ARMH4: variants seen among roughly 807,000 people sequenced by gnomAD.
ARMH4 encodes the protein armadillo like helical domain containing 4.
A neutral mutation model predicts 61.9 loss-of-function variants in ARMH4; 49 were observed. That is an observed-to-expected ratio of 0.79 (90% confidence interval 0.63 to 1.00). The LOEUF is 1.00. Among genes scored for constraint, ARMH4 ranks in the 50% least tolerant of loss-of-function variants. The pLI, the probability that ARMH4 is intolerant of heterozygous loss-of-function variation, is 0.00. For missense variants in ARMH4, 934 were observed against 930.0 expected, an observed-to-expected ratio of 1.00 and a Z score of -0.06; for synonymous variants, 368 against 341.5, an observed-to-expected ratio of 1.08 and a Z score of -0.85.
chr14:58,101,914 G>T (rs1189482792), intron 4 of ARMH4, among the ~76,000 whole-genome samples: 1 of 152,136 alleles, frequency 6.6e-6, no homozygotes, highest in Non-Finnish European at 1.5e-5. Flanking sequence ...TGGGTAGGTA[G>T]GTGGGTTGAA....
intron 4 of ARMH4, among the ~76,000 whole-genome samples, chr14:58,126,435 T>G (rs1224317194): frequency 6.6e-6 from 1 of 152,124 alleles, no homozygotes; most frequent in Non-Finnish European, 1.5e-5. Context: ...GCAGAGGAAA[T>G]TAAGAGACAC....
intron 4 of ARMH4, among the ~76,000 whole-genome samples, chr14:58,102,356 G>A (rs547495159): frequency 7.9e-5 from 12 of 152,192 alleles, no homozygotes; most frequent in African/African-American, 2.6e-4. Flanking sequence ...AGGGTGGAAC[G>A]GTGGTCCCAA....
At chr14:58,061,276 C>G (rs1884522907) in intron 5 of ARMH4, among the ~76,000 whole-genome samples, 1 of 152,184 alleles carries the variant, frequency 6.6e-6, no homozygotes, top group Non-Finnish European at 1.5e-5. Context: ...CTCCAGTTCA[C>G]TGGCCAGTCC....
At chr14:58,109,656 A>C (rs1279249039) in intron 4 of ARMH4, among the ~76,000 whole-genome samples, 1 of 152,240 alleles carries the variant, frequency 6.6e-6, no homozygotes, top group Non-Finnish European at 1.5e-5. Context: ...ATTTTATCAA[A>C]AGTTTACTAA....
intron 4 of ARMH4, among the ~76,000 whole-genome samples, chr14:58,118,434 A>AG (rs1744688448): frequency 7.5e-6 from 1 of 133,508 alleles, no homozygotes; most frequent in African/African-American, 2.8e-5. Flanking sequence ...TGCAGGGGGT[A>AG]GGGGCTCACT....
intron 5 of ARMH4, among the ~76,000 whole-genome samples, chr14:58,089,879 C>G (rs757412201): frequency 2.0e-5 from 3 of 152,176 alleles, no homozygotes; most frequent in Admixed American, 2.0e-4. Context: ...CCACTGACCT[C>G]ACATTTATGA....
intron 4 of ARMH4, among the ~76,000 whole-genome samples, chr14:58,116,804 A>G (rs1372115442): frequency 6.6e-6 from 1 of 152,192 alleles, no homozygotes; most frequent in Non-Finnish European, 1.5e-5. Flanking sequence ...CGATTTACAT[A>G]AGTACCTTCG....
At chr14:58,062,452 A>G (rs961015954) in intron 5 of ARMH4, among the ~76,000 whole-genome samples, 1 of 152,222 alleles carries the variant, frequency 6.6e-6, no homozygotes, top group African/African-American at 2.4e-5. Context: ...GCTTAACAGA[A>G]GAAACAGGCA....
intron 5 of ARMH4, among the ~76,000 whole-genome samples, chr14:58,089,123 G>A (rs182467487): frequency 4.8e-4 from 73 of 152,270 alleles, no homozygotes; most frequent in African/African-American, 1.7e-3. Flanking sequence ...GGTTACATTG[G>A]GCTGAGGTTT....
intron 5 of ARMH4, among the ~76,000 whole-genome samples, chr14:58,051,617 A>G (rs1285491272): frequency 6.6e-6 from 1 of 152,206 alleles, no homozygotes; most frequent in Non-Finnish European, 1.5e-5. Flanking sequence ...TCTCTCCTTA[A>G]CTTTTAATAA....
chr14:58,116,572 A>T (rs887044671), intron 4 of ARMH4: 1 of 168,928 alleles, frequency 5.9e-6, no homozygotes, highest in Non-Finnish European at 1.3e-5. Flanking sequence ...GATACTCAGG[A>T]GGCTGAAGTG....
intron 5 of ARMH4, among the ~76,000 whole-genome samples, chr14:58,044,730 A>G (rs1429693374): frequency 3.3e-5 from 5 of 152,236 alleles, no homozygotes; most frequent in African/African-American, 1.2e-4. Context: ...ATAAAGGGCT[A>G]ATATCCAGAA....
chr14:58,040,927 C>A (rs1294368727), intron 5 of ARMH4, among the ~76,000 whole-genome samples: 3 of 152,200 alleles, frequency 2.0e-5, no homozygotes, highest in Non-Finnish European at 4.4e-5. Flanking sequence ...AGAACTCATT[C>A]AGAAATGTAA....
At chr14:58,043,978 T>A (rs990801327) in intron 5 of ARMH4, among the ~76,000 whole-genome samples, 1 of 152,174 alleles carries the variant, frequency 6.6e-6, no homozygotes, top group Non-Finnish European at 1.5e-5. Context: ...TACAAACAAA[T>A]GGAAGAACAT....
At chr14:58,085,821 T>A (rs558380383) in intron 5 of ARMH4, among the ~76,000 whole-genome samples, 22 of 152,320 alleles carry the variant, frequency 1.4e-4, no homozygotes, top group South Asian at 4.1e-4. Flanking sequence ...AATTTACTTT[T>A]AGTGAAACTT....
chr14:58,083,349 G>A (rs1885286652), intron 5 of ARMH4, among the ~76,000 whole-genome samples: 1 of 152,234 alleles, frequency 6.6e-6, no homozygotes, highest in African/African-American at 2.4e-5. Context: ...GGAGGCTAAG[G>A]CAGGTAGATC....
At position 58,003,118 on chromosome 14, in the gene ARMH4, A is replaced by G. The variant is rs1261810130; in HGVS notation, c.*1618T>C. Reference sequence around the variant, plus strand: ...TTAGAAAGGCATCATTCATTTAACAAAGATGGAAATTCACATCAAACGTTC... The same window carrying G: ...TTAGAAAGGCATCATTCATTTAACAGAGATGGAAATTCACATCAAACGTTC... On this transcript the variant is annotated 3_prime_UTR_variant, in exon 8 of 8. Transcript: ENST00000267485. 2 of 152,134 alleles carry G rather than the reference A, an allele frequency of 1.3e-5. No homozygotes were observed. The highest frequency in any genetic ancestry group is 2.9e-5 in the Non-Finnish European group (2 of 68,028). 9.4% of individuals were successfully genotyped at this position (152,134 alleles called of 1,614,324 possible). A position where few individuals can be genotyped will look rare whatever the true frequency, so the allele number is the denominator to read the frequency against.
chr14:58,117,321 T>C (rs1886563477), intron 4 of ARMH4, among the ~76,000 whole-genome samples: 1 of 152,250 alleles, frequency 6.6e-6, no homozygotes, highest in Non-Finnish European at 1.5e-5. Context: ...AAAGGACTAC[T>C]TGCTTTAAGC....
chr14:58,049,053 T>C (rs138285849), intron 5 of ARMH4, among the ~76,000 whole-genome samples: 3,615 of 151,996 alleles, frequency 0.024, 97 homozygotes, highest in Non-Finnish European at 0.032. Flanking sequence ...CTGGCTAACA[T>C]GGTGAAACCC....
Sources: allele counts gnomAD v4.1 joint callset (sites outside exome capture counted in the v4.1 genomes callset), GRCh38; gene constraint gnomAD v4.1.1; transcripts MANE v1.5; gene names NCBI Gene and HGNC (gene_info 2026-07-23, HGNC 2026-07-21).